Variants in TPSD1 observed in about 807,000 individuals in gnomAD.
The protein encoded by TPSD1 is tryptase delta.
Under a neutral mutation model 25.4 loss-of-function variants are expected in TPSD1, and 30 were observed. The ratio of observed to expected loss-of-function variants is 1.18; its 90% CI spans 0.88 to 1.60. The LOEUF is 1.60. TPSD1 is among the 40% of genes most tolerant of loss of function. The probability of loss-of-function intolerance (pLI) is 0.00; values close to 1 mark genes in which losing one functional copy is unlikely to be tolerated. For missense variants in TPSD1, 420 were observed against 324.2 expected (o/e 1.30, Z -2.27); for synonymous variants, 176 against 149.4 (o/e 1.18, Z -1.30).
Position 1,258,613 on chromosome 16 carries a change from C to A in TPSD1, c.*237C>A. On this transcript the variant is annotated 3_prime_UTR_variant, in exon 5 of 5. Coordinates refer to ENST00000211076, the MANE Select transcript of TPSD1 (RefSeq NM_012217.3). ...CACACCTTCCCCCATCCTGAGTCCCCTCTCCCATCCTGAGCCCTGTCCCCT... is the reference window on the plus strand; with the variant it reads ...CACACCTTCCCCCATCCTGAGTCCCATCTCCCATCCTGAGCCCTGTCCCCT... 1.7e-6 allele frequency: 2 copies of A among 1,201,636 alleles called. No homozygotes were observed. Among genetic ancestry groups the A allele is most frequent in the Non-Finnish European group, 2.3e-6 (2 of 856,118 alleles). The allele number at this position is 1,201,636 out of a possible 1,614,324, so 74.4% of individuals were successfully genotyped here. A position where few individuals can be genotyped will look rare whatever the true frequency, so the allele number is the denominator to read the frequency against.
Position 1,258,229 on chromosome 16 carries a change from C to A in TPSD1, c.684+7C>A. 5 of 1,609,702 alleles carry A rather than the reference C, an allele frequency of 3.1e-6. No individual in the cohort carries two copies. Among genetic ancestry groups the A allele is most frequent in the Non-Finnish European group, 4.2e-6 (5 of 1,179,762 alleles). On this transcript the variant is annotated splice_region_variant and intron_variant, in intron 4 of 4. Coordinates refer to ENST00000211076, the MANE Select transcript of TPSD1 (RefSeq NM_012217.3). ...AAATCACGACTCCTGCCAGGTGGGC[C>A]CTCGCGTCCCCCACCCCAATCCCCG...
At chr16:1,257,099 G>T in intron 3 of TPSD1, 37 bp downstream of exon 3, 1 of 1,557,054 alleles carries the variant, frequency 6.4e-7, no homozygotes. Flanking sequence ...GGGCCAGGTG[G>T]GCACCAAGTC....
At position 1,256,325 on chromosome 16, in the gene TPSD1, G is replaced by T. The variant is rs151005068; in HGVS notation, c.45G>T (p.Ala15=). The change falls in exon 1 of 5, where the codon GCG becomes GCT. Residue 15 remains alanine (A), a synonymous_variant. Transcript: ENST00000211076. The part of the protein sequence containing the change: ...APQMLSLLLL[A]LPVLASPAYV... ...AGATGCTGAGCCTGCTGCTGCTGGC[G>T]CTGCCCGTCCTGGCGAGCCCGGCCT... 10 of 1,613,530 alleles carry T rather than the reference G, an allele frequency of 6.2e-6. No homozygotes were observed. The highest frequency in any genetic ancestry group is 7.6e-6 in the Non-Finnish European group (9 of 1,179,760).
chr16:1,257,776 GAC>G (rs2031006716), intron 3 of TPSD1, among the ~76,000 whole-genome samples: 3 of 152,190 alleles, frequency 2.0e-5, no homozygotes, highest in East Asian at 1.9e-4. Flanking sequence ...CCCAGGGGGA[GAC>G]ACGGGTCGGG....
At position 1,257,009 on chromosome 16, in the gene TPSD1, TC is replaced by T. The variant is rs768636681; in HGVS notation, c.473del (p.Pro158ArgfsTer25). 1.2e-6 allele frequency: 2 copies of T among 1,613,116 alleles called. No individual in the cohort carries two copies. Among genetic ancestry groups the T allele is most frequent in the South Asian group, 1.1e-5 (1 of 90,910 alleles). ...TVTLPPASET[F>X]PPGMPCWVTG... The stretch of plus-strand genomic sequence containing the variant: ...ACGCTGCCCCCTGCCTCGGAGACCT[TC>T]CCCCCGGGGATGCCGTGCTGGGTCA... On this transcript the variant is annotated frameshift_variant, in exon 3 of 5. Coordinates refer to ENST00000211076, the MANE Select transcript of TPSD1 (RefSeq NM_012217.3). LOFTEE classifies it high-confidence loss of function.
chr16:1,256,745 G>C, intron 2 of TPSD1, 52 bp from the exon 3 acceptor site: 1 of 1,611,844 alleles, frequency 6.2e-7, no homozygotes, highest in Non-Finnish European at 8.5e-7. Flanking sequence ...CCTGGCTCCC[G>C]GGTGCTCCTG....
Position 1,256,968 on chromosome 16 carries a change from C to A in TPSD1, c.426C>A (p.Ser142Arg), listed in dbSNP as rs2030986695. 6.2e-7 allele frequency: 1 copy of A among 1,613,846 alleles called. No homozygotes were observed. Among genetic ancestry groups the A allele is most frequent in the Admixed American group, 1.7e-5 (1 of 59,996 alleles). The change falls in exon 3 of 5, where the codon AGC becomes AGA. Residue 142 changes from serine (S) to arginine (R), a missense_variant. Physicochemically the swap from Ser to Arg is moderately radical, Grantham distance 110. Coordinates refer to ENST00000211076, the MANE Select transcript of TPSD1 (RefSeq NM_012217.3). ...LELEEPVNIS[S>R]HIHTVTLPPA... ...TGGAGGAGCCCGTGAACATCTCCAGCCACATCCACACGGTCACGCTGCCCC... is the reference window on the plus strand; with the variant it reads ...TGGAGGAGCCCGTGAACATCTCCAGACACATCCACACGGTCACGCTGCCCC...
In TPSD1 at chr16:1,256,455, A is replaced by C. The variant is rs555524955; in HGVS notation, c.83-61A>C. On this transcript the variant is annotated intron_variant, in intron 1 of 4. Coordinates refer to ENST00000211076, the MANE Select transcript of TPSD1 (RefSeq NM_012217.3). ...GGGGAGGCCGGGCTGGCCCCCACACAGGGAAGGGCTGGTCCCAGGCGTGGG... is the reference window on the plus strand; with the variant it reads ...GGGGAGGCCGGGCTGGCCCCCACACCGGGAAGGGCTGGTCCCAGGCGTGGG... 9 of 1,608,602 alleles carry C rather than the reference A, an allele frequency of 5.6e-6. No homozygotes were observed. In the African/African-American group the frequency reaches 1.1e-4, roughly 19 times the overall value.
rs779841115 is a variant in TPSD1, at chr16:1,257,077, C to T, written c.520+15C>T. The T allele has an allele frequency of 2.5e-6, 4 of 1,587,098 alleles. No individual in the cohort carries two copies. Among genetic ancestry groups the T allele is most frequent in the East Asian group, 2.3e-5 (1 of 44,188 alleles). The stretch of plus-strand genomic sequence containing the variant: ...GGACAATAATGGTGGGTGTTGGGGA[C>T]AGCGGGAGGCCGGGCCAGGTGGGCA... On this transcript the variant is annotated intron_variant, in intron 3 of 4. Transcript: ENST00000211076.
At position 1,258,442 on chromosome 16, in the gene TPSD1, C is replaced by G. The variant is rs1271553572; in HGVS notation, c.*66C>G. On this transcript the variant is annotated 3_prime_UTR_variant, in exon 5 of 5. Transcript: ENST00000211076. ...AGCCCAACCGGCCTGGCATCTACACCCGTGTCACCTACTACTTGGACTGGA... is the reference window on the plus strand; with the variant it reads ...AGCCCAACCGGCCTGGCATCTACACGCGTGTCACCTACTACTTGGACTGGA... The G allele has an allele frequency of 6.2e-7, 1 of 1,613,660 alleles. No homozygotes were observed. Among genetic ancestry groups the G allele is most frequent in the Non-Finnish European group, 8.5e-7 (1 of 1,179,912 alleles).
rs1211507278 is a variant in TPSD1 at position 1,256,139 on chromosome 16, G to A, written c.-142G>A. 12 of 1,307,550 alleles carry A rather than the reference G, an allele frequency of 9.2e-6. No individual in the cohort carries two copies. Among genetic ancestry groups the A allele is most frequent in the Non-Finnish European group, 1.3e-5 (12 of 935,590 alleles). 81.0% of individuals were successfully genotyped at this position (1,307,550 alleles called of 1,614,324 possible). On this transcript the variant is annotated 5_prime_UTR_variant, in exon 1 of 5. Coordinates refer to ENST00000211076, the MANE Select transcript of TPSD1 (RefSeq NM_012217.3). ...CCTGACATCAGCGTCACCTGGAGCAGAGTGGCCCAGCCTCAGACTCAGAGC... is the reference window on the plus strand; with the variant it reads ...CCTGACATCAGCGTCACCTGGAGCAAAGTGGCCCAGCCTCAGACTCAGAGC...
At chr16:1,257,445 A>G (rs368554186) in intron 3 of TPSD1, 39 of 300,582 alleles carry the variant, frequency 1.3e-4, no homozygotes, top group Middle Eastern at 1.0e-3. Flanking sequence ...TCCCTGTGCT[A>G]CAGACAAGGC....
Position 1,257,078 on chromosome 16 carries a change from A to G in TPSD1, c.520+16A>G. ...GACAATAATGGTGGGTGTTGGGGAC[A>G]GCGGGAGGCCGGGCCAGGTGGGCAC... On this transcript the variant is annotated intron_variant, in intron 3 of 4. Transcript: ENST00000211076. 3 of 1,587,172 alleles carry G rather than the reference A, an allele frequency of 1.9e-6. No homozygotes were observed. Among genetic ancestry groups the G allele is most frequent in the African/African-American group, 1.3e-5 (1 of 74,638 alleles).
Position 1,256,358 on chromosome 16 carries a change from C to A in TPSD1, c.78C>A (p.Ala26=). The part of the protein sequence containing the change: ...LPVLASPAYV[A]PAPGQALQQT... ...TCCTGGCGAGCCCGGCCTACGTGGC[C>A]CCTGGTGAGTCCCAGCCGGGGTCCA... The change falls in exon 1 of 5, where the codon GCC becomes GCA. Residue 26 remains alanine, a synonymous_variant. Transcript: ENST00000211076. The A allele has an allele frequency of 6.2e-7, 1 of 1,612,952 alleles. No homozygotes were observed. Among genetic ancestry groups the A allele is most frequent in the South Asian group, 1.1e-5 (1 of 91,026 alleles).
chr16:1,257,344 T>C, intron 3 of TPSD1: 1 of 533,584 alleles, frequency 1.9e-6, no homozygotes, highest in South Asian at 2.6e-5. Context: ...AGTTTGTACG[T>C]CACGGACTTG....
In TPSD1 at chr16:1,258,248, A is replaced by AT. The variant is rs772359407; in HGVS notation, c.684+27dup. 15 of 1,609,858 alleles carry AT rather than the reference A, an allele frequency of 9.3e-6. No homozygotes were observed. The South Asian group carries it at 1.6e-4, about 18-fold the overall frequency. On this transcript the variant is annotated intron_variant, in intron 4 of 4. Transcript: ENST00000211076. ...GTGGGCCCTCGCGTCCCCCACCCCA[A>AT]TCCCCGGAGCCTGGCCAGCGAGCGC...
chr16:1,256,448 C>A lies in TPSD1; in HGVS notation c.83-68C>A. 3 of 1,609,232 alleles carry A rather than the reference C, an allele frequency of 1.9e-6. No homozygotes were observed. In the South Asian group the frequency reaches 3.3e-5, roughly 18 times the overall value. Reference sequence around the variant, plus strand: ...GGGTTCTGGGGAGGCCGGGCTGGCCCCCACACAGGGAAGGGCTGGTCCCAG... The same window carrying A: ...GGGTTCTGGGGAGGCCGGGCTGGCCACCACACAGGGAAGGGCTGGTCCCAG... On this transcript the variant is annotated intron_variant, in intron 1 of 4. Transcript: ENST00000211076.
chr16:1,256,492 G>A (rs780853174), intron 1 of TPSD1, 24 bp from the exon 2 acceptor site: 1 of 1,607,274 alleles, frequency 6.2e-7, no homozygotes, highest in South Asian at 1.1e-5. Flanking sequence ...CGGCTTCTTG[G>A]TCCTGACCTG....
chr16:1,257,089 G>C (rs745919019), intron 3 of TPSD1, 27 bp downstream of exon 3: 2 of 1,564,996 alleles, frequency 1.3e-6, no homozygotes, highest in Non-Finnish European at 1.7e-6. Flanking sequence ...GCGGGAGGCC[G>C]GGCCAGGTGG....
Sources: gnomAD v4.1 joint callset for allele counts (sites outside exome capture counted in the v4.1 genomes callset) on GRCh38, gnomAD v4.1.1 for gene constraint, MANE v1.5 for transcripts, NCBI Gene and HGNC (gene_info 2026-07-23, HGNC 2026-07-21) for gene names.